The following FBLN2 variants were observed in gnomAD, a reference collection of about 807,000 sequenced individuals.
FBLN2 encodes the protein fibulin-2.
FBLN2 carries 81 observed loss-of-function variants against 123.7 expected under a neutral mutation model. The observed-to-expected ratio is 0.65, with a 90% confidence interval of 0.55 to 0.79. The LOEUF is 0.79. Ranked by LOEUF, FBLN2 falls within the 30% of genes least tolerant of loss-of-function variation. The probability of loss-of-function intolerance (pLI) is 0.00; values close to 1 mark genes in which losing one functional copy is unlikely to be tolerated. For missense variants in FBLN2, 1,603 were observed against 1,681.3 expected, an observed-to-expected ratio of 0.95 and a Z score of 0.81; for synonymous variants, 699 against 701.4, an observed-to-expected ratio of 1.00 and a Z score of 0.05.
chr3:13,615,919 C>T (rs560509216), intron 5 of FBLN2, among the ~76,000 whole-genome samples: 68 of 152,346 alleles, frequency 4.5e-4, no homozygotes, highest in African/African-American at 1.6e-3. Flanking sequence ...TGCAAGATGG[C>T]AGAAGTCTGT....
At chr3:13,621,047 T>C (rs560351951) in intron 8 of FBLN2, among the ~76,000 whole-genome samples, 2 of 152,334 alleles carry the variant, frequency 1.3e-5, no homozygotes, top group South Asian at 4.1e-4. Flanking sequence ...CAGGCCTCCT[T>C]TGGGCCCAGC....
chr3:13,614,158 C>T lies in FBLN2; in HGVS notation c.1723C>T (p.Arg575Trp), dbSNP rs372121289. 1.3e-5 allele frequency: 21 copies of T among 1,611,040 alleles called. 1 individual carries two copies. The highest frequency in any genetic ancestry group is 1.2e-4 in the Admixed American group (7 of 59,994). The change falls in exon 5 of 18, where the codon CGG becomes TGG. Residue 575 changes from arginine (R) to tryptophan (W), a missense_variant. By Grantham distance (101) the Arg-to-Trp change is moderately radical. Transcript: ENST00000404922. ...ACCTCCAGAGCCCGCAGCTGCACCA[C>T]GGAGAGGTGAGTGCTGCTCTTCCCT... Reference protein sequence around the residue: ...RRPPEPAAAPRRVSEAEMAGR... With the variant: ...RRPPEPAAAPWRVSEAEMAGR...
intron 16 of FBLN2, 79 bp from the exon 17 acceptor site, chr3:13,636,366 G>A (rs1706468302): frequency 6.4e-7 from 1 of 1,558,316 alleles, no homozygotes; most frequent in Non-Finnish European, 8.7e-7. Flanking sequence ...TGGGGCCCAG[G>A]CCTTTCATGC....
At chr3:13,586,739 G>T (rs1048761141) in intron 2 of FBLN2, among the ~76,000 whole-genome samples, 3 of 149,152 alleles carry the variant, frequency 2.0e-5, no homozygotes, top group Non-Finnish European at 4.4e-5. Context: ...TAACTCCTGA[G>T]CTCAGGCAAT....
At chr3:13,632,677 A>G (rs1311431573) in intron 16 of FBLN2, among the ~76,000 whole-genome samples, 1 of 152,164 alleles carries the variant, frequency 6.6e-6, no homozygotes, top group African/African-American at 2.4e-5. Flanking sequence ...CCTAGTCCCA[A>G]TGCACAAGGA....
intron 2 of FBLN2, among the ~76,000 whole-genome samples, chr3:13,602,487 C>T (rs1261135899): frequency 2.0e-5 from 3 of 152,214 alleles, no homozygotes; most frequent in African/African-American, 4.8e-5. Context: ...TGGTTGGAAT[C>T]GCATTGAAGT....
Position 13,626,594 on chromosome 3 carries a change from G to C in FBLN2, c.2431+15G>C. On this transcript the variant is annotated intron_variant, in intron 10 of 17. Transcript: ENST00000404922. ...CGAGTGCGAAGGTGAGAAGGGCCCA[G>C]AAGGACCAACTGGAGGCCCCGCCCC... is the stretch of plus-strand genomic sequence containing the variant. 1 of 1,531,860 alleles carries C rather than the reference G, an allele frequency of 6.5e-7. No individual in the cohort carries two copies. Among genetic ancestry groups the C allele is most frequent in the Non-Finnish European group, 8.8e-7 (1 of 1,133,540 alleles). 94.9% of individuals were successfully genotyped at this position (1,531,860 alleles called of 1,614,324 possible).
intron 2 of FBLN2, among the ~76,000 whole-genome samples, chr3:13,575,940 G>A (rs1003716781): frequency 2.0e-5 from 3 of 152,196 alleles, no homozygotes; most frequent in Admixed American, 6.5e-5. Context: ...GGGAGATGGA[G>A]CCTACCTCCC....
chr3:13,633,295 C>T (rs1706322831), intron 16 of FBLN2, among the ~76,000 whole-genome samples: 1 of 152,268 alleles, frequency 6.6e-6, no homozygotes, highest in Non-Finnish European at 1.5e-5. Flanking sequence ...GGTGGCTGCT[C>T]CTCTGCCCCG....
Position 13,609,388 on chromosome 3 carries a change from G to A in FBLN2, c.1419-125G>A, listed in dbSNP as rs989684452. 9.7e-6 allele frequency: 11 copies of A among 1,132,056 alleles called. No homozygotes were observed. The African/African-American group carries it at 1.4e-4, about 15-fold the overall frequency. The allele number at this position is 1,132,056 out of a possible 1,614,324, so 70.1% of individuals were successfully genotyped here. ...ACCCAGTGGAGGTTGTGCCGGCTCT[G>A]CCACCTGCACCGGCTCCCTTGCTGT... On this transcript the variant is annotated intron_variant, in intron 3 of 17. Coordinates refer to ENST00000404922, the MANE Select transcript of FBLN2 (RefSeq NM_001004019.2).
At chr3:13,604,502 A>G (rs963052248) in intron 2 of FBLN2, among the ~76,000 whole-genome samples, 1 of 152,154 alleles carries the variant, frequency 6.6e-6, no homozygotes, top group African/African-American at 2.4e-5. Flanking sequence ...TCGTTTTCCC[A>G]TTTCTTGTTT....
intron 2 of FBLN2, among the ~76,000 whole-genome samples, chr3:13,598,441 C>T (rs1704918755): frequency 6.6e-6 from 1 of 152,228 alleles, no homozygotes; most frequent in Non-Finnish European, 1.5e-5. Flanking sequence ...TGCCTGTGCT[C>T]ATCTTGTGAC....
chr3:13,627,821 C>G lies in FBLN2; in HGVS notation c.2432-11C>G, dbSNP rs372132286. ...CCCCCCAGCCCTTGACACCCAGCCT[C>G]TCCGCTGCAGACGTGGATGAGTGTG... is the stretch of plus-strand genomic sequence containing the variant. On this transcript the variant is annotated splice_polypyrimidine_tract_variant and intron_variant, in intron 10 of 17. Transcript: ENST00000404922. 4.7e-5 allele frequency: 76 copies of G among 1,610,690 alleles called. No individual in the cohort carries two copies. The African/African-American group carries it at 9.3e-4, about 20-fold the overall frequency.
chr3:13,582,357 G>T (rs1704359580), intron 2 of FBLN2, among the ~76,000 whole-genome samples: 1 of 152,174 alleles, frequency 6.6e-6, no homozygotes, highest in African/African-American at 2.4e-5. Flanking sequence ...TCTGTGCTGC[G>T]AGTTTCCCTG....
At chr3:13,549,244 C>T (rs1703258307) in intron 1 of FBLN2, 36 bp downstream of exon 1, 1 of 980,726 alleles carries the variant, frequency 1.0e-6, no homozygotes, top group Non-Finnish European at 1.2e-6. Context: ...CGGACTCATC[C>T]CCGTCGGTCC....
At chr3:13,628,822 C>T (rs763479536) in intron 11 of FBLN2, 83 bp from the exon 12 acceptor site, 294 of 1,519,582 alleles carry the variant, frequency 1.9e-4, no homozygotes, top group Non-Finnish European at 2.4e-4. Flanking sequence ...AGGACCGACC[C>T]CCTCCCAGTG....
chr3:13,620,758 AAC>A (rs774384051), intron 8 of FBLN2, among the ~76,000 whole-genome samples: 3 of 152,104 alleles, frequency 2.0e-5, no homozygotes, highest in Non-Finnish European at 4.4e-5. Context: ...TCTGGGGGAG[AAC>A]AGAGTCAAGT....
At chr3:13,565,852 A>T (rs1301961202) in intron 1 of FBLN2, among the ~76,000 whole-genome samples, 1 of 152,224 alleles carries the variant, frequency 6.6e-6, no homozygotes, top group East Asian at 1.9e-4. Flanking sequence ...GCACAGGGTC[A>T]TGGAGTGCAT....
chr3:13,569,661 G>T (rs995766743), intron 1 of FBLN2, among the ~76,000 whole-genome samples: 2 of 152,060 alleles, frequency 1.3e-5, no homozygotes, highest in African/African-American at 4.8e-5. Flanking sequence ...AGTCCCGAGG[G>T]TCTCAGAGGT....
Sources: allele counts gnomAD v4.1 joint callset (sites outside exome capture counted in the v4.1 genomes callset), GRCh38; gene constraint gnomAD v4.1.1; transcripts MANE v1.5; gene names NCBI Gene and HGNC (gene_info 2026-07-23, HGNC 2026-07-21).